Variants in GPR65 observed in about 807,000 individuals in gnomAD.
GPR65 encodes the protein T-cell death-associated gene 8 protein.
Under a neutral mutation model 0.7 loss-of-function variants are expected in GPR65, and 2 were observed. The observed-to-expected ratio is 2.83, with a 90% CI of 1.16 to 8.92. The LOEUF (loss-of-function observed/expected upper bound fraction) is 8.92, where lower values mean the gene tolerates loss of function less well. GPR65 is among the 30% of genes most tolerant of loss of function. The pLI is 0.04. For synonymous variants in GPR65, 128 were observed against 146.5 expected (o/e 0.87, Z 0.91); for missense variants, 379 against 399.4 (o/e 0.95, Z 0.43).
chr14:88,009,284 C>A (rs1887639542), intron 1 of GPR65, among the ~76,000 whole-genome samples: 4 of 152,118 alleles, frequency 2.6e-5, no homozygotes, highest in Admixed American at 2.6e-4. Context: ...TCTTCCATCA[C>A]AAATTTTCCC....
chr14:88,014,388 T>C lies in GPR65; in HGVS notation c.*2527T>C, dbSNP rs1262452901. ...GCATTTTTGTCTACTATTATGAAATTATTATCTATGAAATTCAAGCTGTAA... is the reference window on the plus strand; with the variant it reads ...GCATTTTTGTCTACTATTATGAAATCATTATCTATGAAATTCAAGCTGTAA... On this transcript the variant is annotated 3_prime_UTR_variant, in exon 2 of 2. Transcript: ENST00000267549. The C allele has an allele frequency of 6.6e-6, 1 of 152,238 alleles. No individual in the cohort carries two copies. Among genetic ancestry groups the C allele is most frequent in the Non-Finnish European group, 1.5e-5 (1 of 68,046 alleles). The allele number at this position is 152,238 out of a possible 1,614,324, so 9.4% of individuals were successfully genotyped here. A position where few individuals can be genotyped will look rare whatever the true frequency, so the allele number is the denominator to read the frequency against.
rs995071111 is a variant in GPR65 at position 88,009,291 on chromosome 14, T to C, written c.-459-1098T>C. Among the ~76,000 whole-genome samples, 5 of 151,992 alleles carry C rather than the reference T, an allele frequency of 3.3e-5. No homozygotes were observed. The South Asian group carries it at 6.2e-4, about 19-fold the overall frequency. On this transcript the variant is annotated intron_variant, in intron 1 of 1. Transcript: ENST00000267549. The stretch of plus-strand genomic sequence containing the variant: ...ACCTCCTTTCTTCCATCACAAATTT[T>C]CCCCCCCTTTGGAAGCTTCCCTATT...
At position 88,008,465 on chromosome 14, in the gene GPR65, G is replaced by A. The variant is rs148133632; in HGVS notation, c.-459-1924G>A. 2.0e-3 allele frequency among the ~76,000 whole-genome samples: 310 copies of A among 152,102 alleles called. 1 individual carries two copies. The highest frequency in any genetic ancestry group is 7.0e-3 in the African/African-American group (292 of 41,486). ...TTACATTTGTGATCTTCAACCATGC[G>A]ATTGCATGTAGCAATAATTTATTCA... On this transcript the variant is annotated intron_variant, in intron 1 of 1. Transcript: ENST00000267549.
At position 88,007,512 on chromosome 14, in the gene GPR65, G is replaced by T. The variant is rs78468460; in HGVS notation, c.-460+2290G>T. On this transcript the variant is annotated intron_variant, in intron 1 of 1. Transcript: ENST00000267549. The stretch of plus-strand genomic sequence containing the variant: ...TCTCTTCAGCTGGATCTAATCAGTT[G>T]GTTACTCCCTGTGTTTATTTTTAAA... Among the ~76,000 whole-genome samples the T allele has an allele frequency of 8.1e-3, 1,217 of 150,644 alleles. 42 individuals carry two copies. The highest frequency in any genetic ancestry group is 0.053 in the Admixed American group (806 of 15,130).
At position 88,013,198 on chromosome 14, in the gene GPR65, C is replaced by G. The variant is rs202086689; in HGVS notation, c.*1337C>G. 1 of 152,144 alleles carries G rather than the reference C, an allele frequency of 6.6e-6. No homozygotes were observed. Among genetic ancestry groups the G allele is most frequent in the South Asian group, 2.1e-4 (1 of 4,816 alleles). 9.4% of individuals were successfully genotyped at this position (152,144 alleles called of 1,614,324 possible). On this transcript the variant is annotated 3_prime_UTR_variant, in exon 2 of 2. Transcript: ENST00000267549. ...AGTAGCTGGGATTACAGGCACCCAC[C>G]ACCATGCCCAGCTAATTTTTGTATT... is the stretch of plus-strand genomic sequence containing the variant.
rs1214938133 is a variant in GPR65 at position 88,014,717 on chromosome 14, A to C, written c.*2856A>C. ...AAGCAATCCAGGTACATAGCCATAA[A>C]GGGATGAGCTAGAGAGGTCTCCATA... On this transcript the variant is annotated 3_prime_UTR_variant, in exon 2 of 2. Transcript: ENST00000267549. 6.6e-6 allele frequency: 1 copy of C among 152,148 alleles called. No homozygotes were observed. The highest frequency in any genetic ancestry group is 1.5e-5 in the Non-Finnish European group (1 of 68,008). 9.4% of individuals were successfully genotyped at this position (152,148 alleles called of 1,614,324 possible). A position where few individuals can be genotyped will look rare whatever the true frequency, so the allele number is the denominator to read the frequency against.
At chr14:88,009,641 A>T (rs898570758) in intron 1 of GPR65, among the ~76,000 whole-genome samples, 1 of 152,174 alleles carries the variant, frequency 6.6e-6, no homozygotes, top group Non-Finnish European at 1.5e-5. Context: ...CTACTCCAGT[A>T]TGGAGAGAAG....
chr14:88,006,983 G>A (rs1187648306), intron 1 of GPR65, among the ~76,000 whole-genome samples: 1 of 152,140 alleles, frequency 6.6e-6, no homozygotes, highest in Non-Finnish European at 1.5e-5. Context: ...GTTCTGTTGA[G>A]TATATAATTA....
chr14:88,006,326 G>A (rs1198205839), intron 1 of GPR65, among the ~76,000 whole-genome samples: 1 of 152,092 alleles, frequency 6.6e-6, no homozygotes, highest in Non-Finnish European at 1.5e-5. Flanking sequence ...AACAATCTTA[G>A]AAACTGGGTA....
chr14:88,010,872 C>T lies in GPR65; in HGVS notation c.25C>T (p.Gln9Ter). The T allele has an allele frequency of 3.1e-6, 5 of 1,612,736 alleles. No homozygotes were observed. In the South Asian group the frequency reaches 4.4e-5, roughly 14 times the overall value. MNSTCIEE[Q>*]HDLDHYLFPI... ...AATGAACAGCACATGTATTGAAGAA[C>T]AGCATGACCTGGATCACTATTTGTT... The change falls in exon 2 of 2, where the codon CAG becomes TAG. Residue 9 changes from glutamine to a stop codon, truncating the protein, a stop_gained. Coordinates refer to ENST00000267549, the MANE Select transcript of GPR65 (RefSeq NM_003608.4). LOFTEE classifies it low-confidence loss of function (END_TRUNC).
chr14:88,011,335 A>T lies in GPR65; in HGVS notation c.488A>T (p.Glu163Val), dbSNP rs777935834. The change falls in exon 2 of 2, where the codon GAA becomes GTA. Residue 163 changes from glutamate (E) to valine (V), a missense_variant. Physicochemically the swap from Glu to Val is moderately radical, Grantham distance 121. Coordinates refer to ENST00000267549, the MANE Select transcript of GPR65 (RefSeq NM_003608.4). ...DETVVEYCDAEKSNFTLCYDK... is the reference protein window; with the variant it reads ...DETVVEYCDAVKSNFTLCYDK... ...ACAGTTGTTGAATATTGCGATGCCG[A>T]AAAGTCTAATTTTACTTTATGCTAT... 7 of 1,613,952 alleles carry T rather than the reference A, an allele frequency of 4.3e-6. No homozygotes were observed. Among genetic ancestry groups the T allele is most frequent in the Non-Finnish European group, 5.1e-6 (6 of 1,179,984 alleles).
intron 1 of GPR65, among the ~76,000 whole-genome samples, chr14:88,009,267 C>T (rs905662364): frequency 1.3e-5 from 2 of 152,058 alleles, no homozygotes; most frequent in African/African-American, 4.8e-5. Flanking sequence ...ACAGCTCCCA[C>T]CTCCTTTCTT....
rs753693308 is a variant in GPR65, at chr14:88,010,903, T to C, written c.56T>C (p.Ile19Thr). Residue 19 changes from isoleucine (I) to threonine (T), a missense_variant, in exon 2 of 2, where the codon ATT becomes ACT. Coordinates refer to ENST00000267549, the MANE Select transcript of GPR65 (RefSeq NM_003608.4). ...QHDLDHYLFP[I>T]VYIFVIIVSI... ...GACCTGGATCACTATTTGTTTCCCA[T>C]TGTTTACATCTTTGTGATTATAGTC... is the stretch of plus-strand genomic sequence containing the variant. 6.2e-7 allele frequency: 1 copy of C among 1,612,652 alleles called. No homozygotes were observed. The highest frequency in any genetic ancestry group is 1.3e-5 in the African/African-American group (1 of 75,018).
rs906412324 is a variant in GPR65, at chr14:88,012,628, A to G, written c.*767A>G. 1.3e-5 allele frequency: 2 copies of G among 152,366 alleles called. No homozygotes were observed. Among genetic ancestry groups the G allele is most frequent in the South Asian group, 2.1e-4 (1 of 4,826 alleles). The allele number at this position is 152,366 out of a possible 1,614,324, so 9.4% of individuals were successfully genotyped here. On this transcript the variant is annotated 3_prime_UTR_variant, in exon 2 of 2. Transcript: ENST00000267549. ...ACTGTGACGTATTTCACTTAGTATA[A>G]TGGTTTCAAGTTTTATCCATGTGTA...
intron 1 of GPR65, among the ~76,000 whole-genome samples, chr14:88,007,823 A>G (rs1279368897): frequency 9.6e-6 from 1 of 104,378 alleles, no homozygotes; most frequent in African/African-American, 3.6e-5. Context: ...TGTGTGTGTG[A>G]ATAAGGTCAT....
In GPR65 at chr14:88,011,872, G is replaced by A. The variant is rs781610565; in HGVS notation, c.*11G>A. 259 of 1,513,366 alleles carry A rather than the reference G, an allele frequency of 1.7e-4. No homozygotes were observed. Among genetic ancestry groups the A allele is most frequent in the Non-Finnish European group, 2.2e-4 (250 of 1,127,682 alleles). 93.7% of individuals were successfully genotyped at this position (1,513,366 alleles called of 1,614,324 possible). On this transcript the variant is annotated 3_prime_UTR_variant, in exon 2 of 2. Transcript: ENST00000267549. The stretch of plus-strand genomic sequence containing the variant: ...GAGGTCCTTGAGTAGAACCAAGGAT[G>A]TTTTGAAGGGAAGGGAAGTTTAAGT...
Position 88,012,013 on chromosome 14 carries a change from C to T in GPR65, c.*152C>T. The T allele has an allele frequency of 1.7e-6, 1 of 593,820 alleles. No homozygotes were observed. The highest frequency in any genetic ancestry group is 2.4e-5 in the South Asian group (1 of 41,474). 36.8% of individuals were successfully genotyped at this position (593,820 alleles called of 1,614,324 possible). On this transcript the variant is annotated 3_prime_UTR_variant, in exon 2 of 2. Transcript: ENST00000267549. ...GTCCAATAAAAATATCTTAAAACTG[C>T]ATTGTACAGCTCCCTCCCTGCGTTT...
intron 1 of GPR65, among the ~76,000 whole-genome samples, chr14:88,007,665 A>G (rs1887613664): frequency 6.7e-6 from 1 of 150,298 alleles, no homozygotes; most frequent in Admixed American, 6.6e-5. Flanking sequence ...CTTTAAACAT[A>G]TTAAACATAT....
Position 88,014,769 on chromosome 14 carries a change from T to C in GPR65, c.*2908T>C, listed in dbSNP as rs1411936522. ...TATCATTCAATGTGAGAATAAAAAT[T>C]CTATATTTTATTCTAGAATAAAATT... On this transcript the variant is annotated 3_prime_UTR_variant, in exon 2 of 2. Coordinates refer to ENST00000267549, the MANE Select transcript of GPR65 (RefSeq NM_003608.4). 4 of 152,120 alleles carry C rather than the reference T, an allele frequency of 2.6e-5. No homozygotes were observed. Among genetic ancestry groups the C allele is most frequent in the African/African-American group, 4.8e-5 (2 of 41,430 alleles). The allele number at this position is 152,120 out of a possible 1,614,324, so 9.4% of individuals were successfully genotyped here.
Sources: gnomAD v4.1 joint callset for allele counts (sites outside exome capture counted in the v4.1 genomes callset) on GRCh38, gnomAD v4.1.1 for gene constraint, MANE v1.5 for transcripts, NCBI Gene and HGNC (gene_info 2026-07-23, HGNC 2026-07-21) for gene names.